The following USP34 variants were observed in gnomAD, a reference collection of about 807,000 sequenced individuals.
The protein encoded by USP34 is ubiquitin specific peptidase 34, also known as ubiquitin carboxyl-terminal hydrolase 34.
A neutral mutation model predicts 460.3 loss-of-function variants in USP34; 70 were observed. That is an observed-to-expected ratio of 0.15 (90% CI 0.13 to 0.19). The LOEUF (loss-of-function observed/expected upper bound fraction) is 0.19, where lower values mean the gene tolerates loss of function less well. Ranked by LOEUF, USP34 falls within the 10% of genes least tolerant of loss-of-function variation. The pLI, the probability that USP34 is intolerant of heterozygous loss-of-function variation, is 1.00. For synonymous variants in USP34, 1,647 were observed against 1,405.3 expected (o/e 1.17, Z -3.85); for missense variants, 3,985 against 4,236.2 (o/e 0.94, Z 1.65).
rs371171614 is a variant in USP34 at position 61,211,892 on chromosome 2, A to G, written c.8720T>C (p.Ile2907Thr). The G allele has an allele frequency of 1.4e-4, 218 of 1,609,370 alleles. No individual in the cohort carries two copies. The highest frequency in any genetic ancestry group is 1.8e-4 in the Non-Finnish European group (214 of 1,178,736). Residue 2907 changes from isoleucine (I) to threonine (T), a missense_variant, in exon 69 of 80, where the codon ATA becomes ACA. Around this residue, in one of 14 missense-constraint regions of USP34, gnomAD observed 275 missense variants for 292.7 expected, o/e 0.94. Coordinates refer to ENST00000398571, the MANE Select transcript of USP34 (RefSeq NM_014709.4). ...EELFNLMQLF[I>T]AQRPDMREEE... ...TTCTCTCATATCTGGCCTCTGAGCTATAAACAGCTGCATCAGGTTAAACAG... is the reference window on the plus strand; with the variant it reads ...TTCTCTCATATCTGGCCTCTGAGCTGTAAACAGCTGCATCAGGTTAAACAG...
chr2:61,189,035 T>A lies in USP34; in HGVS notation c.9908A>T (p.His3303Leu). 6.2e-7 allele frequency: 1 copy of A among 1,614,158 alleles called. No individual in the cohort carries two copies. The highest frequency in any genetic ancestry group is 1.6e-4 in the Middle Eastern group (1 of 6,062). ...LRALALLLSV[H>L]TPKQLNPALI... ...AGCTGGGTTTAACTGTTTGGGAGTG[T>A]GTACTGACAGGAGCAAAGCGAGTGC... The change falls in exon 79 of 80, where the codon CAC becomes CTC. Residue 3303 changes from histidine (H) to leucine (L), a missense_variant. Physicochemically the swap from His to Leu is moderately conservative, Grantham distance 99. Around this residue, in one of 14 missense-constraint regions of USP34, gnomAD observed 506 missense variants for 439.0 expected, o/e 1.15. Transcript: ENST00000398571.
At chr2:61,316,110 G>C (rs1690737325) in intron 23 of USP34, among the ~76,000 whole-genome samples, 1 of 151,958 alleles carries the variant, frequency 6.6e-6, no homozygotes, top group African/African-American at 2.4e-5. Flanking sequence ...GGAGGTTGAA[G>C]CAAGAGAATT....
chr2:61,222,329 G>C (rs918979723), intron 65 of USP34, among the ~76,000 whole-genome samples: 1 of 151,624 alleles, frequency 6.6e-6, no homozygotes, highest in Non-Finnish European at 1.5e-5. Flanking sequence ...CTTTTTCTTT[G>C]GGCACAATTA....
intron 10 of USP34, among the ~76,000 whole-genome samples, chr2:61,365,390 A>G (rs1692405509): frequency 6.6e-6 from 1 of 151,770 alleles, no homozygotes; most frequent in Non-Finnish European, 1.5e-5. Flanking sequence ...GAACACAAAA[A>G]CCCTCATGGG....
At chr2:61,470,256 G>A (rs1695908915) in intron 1 of USP34, among the ~76,000 whole-genome samples, 1 of 152,184 alleles carries the variant, frequency 6.6e-6, no homozygotes, top group Admixed American at 6.5e-5. Flanking sequence ...AGGGCGGCCG[G>A]AGGATTTGGA....
chr2:61,311,722 A>G (rs761622617), intron 26 of USP34, 35 bp from the exon 27 acceptor site: 11 of 1,608,800 alleles, frequency 6.8e-6, no homozygotes, highest in Middle Eastern at 3.3e-4. Context: ...TAAAAATACA[A>G]AAAGAACAGA....
In USP34 at chr2:61,228,729, C is replaced by T; in HGVS notation, c.7369-10G>A. 2.5e-6 allele frequency: 4 copies of T among 1,600,766 alleles called. No homozygotes were observed. Among genetic ancestry groups the T allele is most frequent in the Non-Finnish European group, 3.4e-6 (4 of 1,175,792 alleles). ...AAAGCAAAAATTGGCTCTAAACAAA[C>T]AAACAAACAAAATTTAAAAATATAA... On this transcript the variant is annotated splice_polypyrimidine_tract_variant and intron_variant, in intron 60 of 79. Coordinates refer to ENST00000398571, the MANE Select transcript of USP34 (RefSeq NM_014709.4).
Position 61,380,169 on chromosome 2 carries a change from T to G in USP34, c.1014A>C (p.Thr338=). ...CAAAAATAAAACAAATACAGCTTAC[T>G]GTTATCTGACTCAATCCAGCCAACC... ...TMRLAGLSQI[T]NQLHTFNDVC... Residue 338 remains threonine, a splice_region_variant and synonymous_variant, in exon 7 of 80, where the codon ACA becomes ACC. Transcript: ENST00000398571. 3 of 1,611,154 alleles carry G rather than the reference T, an allele frequency of 1.9e-6. No individual in the cohort carries two copies. Among genetic ancestry groups the G allele is most frequent in the Non-Finnish European group, 2.5e-6 (3 of 1,178,092 alleles).
chr2:61,235,711 A>T (rs573712397), intron 57 of USP34, 134 bp downstream of exon 57: 2 of 746,886 alleles, frequency 2.7e-6, no homozygotes, highest in Non-Finnish European at 2.2e-6. Context: ...CTCAGCTACC[A>T]AATGATTTTA....
intron 75 of USP34, among the ~76,000 whole-genome samples, chr2:61,198,186 A>G (rs891044872): frequency 2.6e-5 from 4 of 152,232 alleles, no homozygotes; most frequent in Non-Finnish European, 4.4e-5. Context: ...CTATAATTTC[A>G]TCCTTATAGA....
chr2:61,307,633 T>G (rs1690454844), intron 27 of USP34, among the ~76,000 whole-genome samples: 1 of 151,786 alleles, frequency 6.6e-6, no homozygotes, highest in Non-Finnish European at 1.5e-5. Context: ...AAAATATCCA[T>G]CAACAATGAA....
At chr2:61,466,922 A>C (rs562455365) in intron 1 of USP34, among the ~76,000 whole-genome samples, 1 of 151,484 alleles carries the variant, frequency 6.6e-6, no homozygotes, top group African/African-American at 2.4e-5. Flanking sequence ...AAAAAAATTT[A>C]TTACACTCGT....
chr2:61,215,744 A>G (rs1050636154), intron 67 of USP34, among the ~76,000 whole-genome samples: 5 of 152,220 alleles, frequency 3.3e-5, no homozygotes, highest in Admixed American at 1.3e-4. Context: ...AATAATAGTA[A>G]TAACTATAAT....
intron 51 of USP34, among the ~76,000 whole-genome samples, chr2:61,243,584 A>G (rs1411864992): frequency 1.3e-5 from 2 of 149,400 alleles, no homozygotes; most frequent in African/African-American, 4.9e-5. Flanking sequence ...TTTTAAAAGG[A>G]AACATTCGGC....
intron 76 of USP34, among the ~76,000 whole-genome samples, chr2:61,192,068 C>G (rs1016565695): frequency 2.6e-5 from 4 of 152,150 alleles, no homozygotes; most frequent in South Asian, 2.1e-4. Context: ...TACAGGATGG[C>G]AAACATCTAG....
intron 67 of USP34, 42 bp downstream of exon 67, chr2:61,220,268 C>G (rs772637989): frequency 1.4e-6 from 2 of 1,461,196 alleles, no homozygotes; most frequent in Non-Finnish European, 1.8e-6. Context: ...TAACTTTGAA[C>G]AATAAATAAA....
intron 62 of USP34, among the ~76,000 whole-genome samples, chr2:61,224,626 T>C (rs974458272): frequency 7.9e-5 from 12 of 152,320 alleles, no homozygotes; most frequent in African/African-American, 2.2e-4. Context: ...TACTTGCAAG[T>C]AGAATAAATG....
chr2:61,413,456 T>C (rs1297778608), intron 2 of USP34, among the ~76,000 whole-genome samples: 3 of 147,104 alleles, frequency 2.0e-5, no homozygotes, highest in African/African-American at 5.1e-5. Context: ...CCTGTAATCC[T>C]AGCACTTTGG....
intron 27 of USP34, among the ~76,000 whole-genome samples, chr2:61,310,953 A>G (rs999094648): frequency 1.3e-5 from 2 of 152,192 alleles, no homozygotes; most frequent in African/African-American, 4.8e-5. Flanking sequence ...TGAGAAACAA[A>G]TGAAGAATTT....
Sources: allele counts gnomAD v4.1 joint callset (sites outside exome capture counted in the v4.1 genomes callset), GRCh38; gene constraint gnomAD v4.1.1; regional missense constraint gnomAD v4.1.1; transcripts MANE v1.5; gene names NCBI Gene and HGNC (gene_info 2026-07-23, HGNC 2026-07-21).